GTSE1: variants seen among roughly 807,000 people sequenced by gnomAD.
GTSE1 encodes the protein G2 and S phase-expressed protein 1.
A neutral mutation model predicts 60.5 loss-of-function variants in GTSE1; 52 were observed. That is an observed-to-expected ratio of 0.86 (90% CI 0.69 to 1.08). The LOEUF is 1.08. Ranked by LOEUF, GTSE1 falls within the 50% of genes least tolerant of loss-of-function variation. The pLI is 0.00. For synonymous variants in GTSE1, 368 were observed against 386.5 expected (o/e 0.95, Z 0.56); for missense variants, 937 against 961.8 (o/e 0.97, Z 0.34).
chr22:46,328,627 A>C (rs1256308862), intron 9 of GTSE1, 61 bp from the exon 10 acceptor site: 1 of 1,336,414 alleles, frequency 7.5e-7, no homozygotes, highest in East Asian at 2.3e-5. Flanking sequence ...TGCTTCCCAC[A>C]TCAGCCAAGT....
intron 8 of GTSE1, among the ~76,000 whole-genome samples, chr22:46,325,781 C>T (rs2077840292): frequency 6.6e-6 from 1 of 152,236 alleles, no homozygotes; most frequent in Admixed American, 6.5e-5. Flanking sequence ...AATCTGGGGA[C>T]ACAGACATTC....
intron 8 of GTSE1, among the ~76,000 whole-genome samples, chr22:46,325,048 AT>A (rs1171690491): frequency 2.6e-5 from 4 of 152,136 alleles, no homozygotes; most frequent in Non-Finnish European, 5.9e-5. Context: ...AACAACAAAC[AT>A]TTGTTTCTCA....
Position 46,308,757 on chromosome 22 carries a change from C to T in GTSE1, c.576C>T (p.Ser192=), listed in dbSNP as rs1201357457. Residue 192 remains serine (S), a synonymous_variant, in exon 4 of 12, where the codon AGC becomes AGT. Transcript: ENST00000454366. ...RLLASSPALP[S]SGAQARLTRA... ...TGGCCTCCTCCCCGGCCCTGCCCAGCTCTGGTGCCCAGGCCCGCCTCACCC... is the reference window on the plus strand; with the variant it reads ...TGGCCTCCTCCCCGGCCCTGCCCAGTTCTGGTGCCCAGGCCCGCCTCACCC... 13 of 1,613,054 alleles carry T rather than the reference C, an allele frequency of 8.1e-6. No homozygotes were observed. The highest frequency in any genetic ancestry group is 8.0e-5 in the African/African-American group (6 of 74,952).
chr22:46,311,045 G>A (rs1201049176), intron 4 of GTSE1, among the ~76,000 whole-genome samples: 1 of 151,576 alleles, frequency 6.6e-6, no homozygotes. Flanking sequence ...GGGGAGAACC[G>A]CTAATGGGTA....
intron 2 of GTSE1, among the ~76,000 whole-genome samples, chr22:46,299,362 C>G (rs1055800647): frequency 6.6e-6 from 1 of 152,270 alleles, no homozygotes; most frequent in Non-Finnish European, 1.5e-5. Context: ...GCAGCCTCTC[C>G]TCCGAGCTCT....
intron 7 of GTSE1, among the ~76,000 whole-genome samples, chr22:46,322,908 G>A (rs1488919585): frequency 6.6e-6 from 1 of 152,224 alleles, no homozygotes; most frequent in African/African-American, 2.4e-5. Flanking sequence ...TACAGCCAGG[G>A]TGGGGCGGCG....
At chr22:46,322,766 G>T (rs961394663) in intron 7 of GTSE1, among the ~76,000 whole-genome samples, 4 of 152,208 alleles carry the variant, frequency 2.6e-5, no homozygotes, top group Non-Finnish European at 5.9e-5. Context: ...AGGGAATGTG[G>T]GCTCTGTTGC....
Position 46,314,150 on chromosome 22 carries a change from A to C in GTSE1, c.1051+137A>C. 9.4e-7 allele frequency: 1 copy of C among 1,069,224 alleles called. No homozygotes were observed. The allele number at this position is 1,069,224 out of a possible 1,614,324, so 66.2% of individuals were successfully genotyped here. The stretch of plus-strand genomic sequence containing the variant: ...CCGGAGGGCGTGCTGTGTGCGGTGG[A>C]CCAGGCTGTGGACTGAGTTGCTGTA... On this transcript the variant is annotated intron_variant, in intron 6 of 11. Coordinates refer to ENST00000454366, the MANE Select transcript of GTSE1 (RefSeq NM_016426.7). This position sits in a 1 kb window ranked among gnomAD's most constrained non-coding sequence, Gnocchi z 7.1.
rs778448799 is a variant in GTSE1, at chr22:46,310,949, C to G, written c.763-1192C>G. Reference sequence around the variant, plus strand: ...ACAAAAGGTCCCATGTCGTATGGTTCCATTTATATGAAATGACTATGACAG... The same window carrying G: ...ACAAAAGGTCCCATGTCGTATGGTTGCATTTATATGAAATGACTATGACAG... On this transcript the variant is annotated intron_variant, in intron 4 of 11. Coordinates refer to ENST00000454366, the MANE Select transcript of GTSE1 (RefSeq NM_016426.7). The surrounding 1 kb of genome is among the most constrained non-coding windows in gnomAD (Gnocchi z 4.4). 2.6e-5 allele frequency among the ~76,000 whole-genome samples: 4 copies of G among 152,058 alleles called. No homozygotes were observed. Among genetic ancestry groups the G allele is most frequent in the Non-Finnish European group, 4.4e-5 (3 of 68,010 alleles).
chr22:46,312,196 A>T lies in GTSE1; in HGVS notation c.818A>T (p.Glu273Val). 6.2e-7 allele frequency: 1 copy of T among 1,614,040 alleles called. No individual in the cohort carries two copies. The change falls in exon 5 of 12, where the codon GAA becomes GTA. Residue 273 changes from glutamate (E) to valine (V), a missense_variant. Glu to Val is a moderately radical substitution (Grantham distance 121). Transcript: ENST00000454366. Reference sequence around the variant, plus strand: ...AGGACAAAAATCCCAGCTGAGAAGGAATCCCACCGGGATGTTCTCCCTGAC... The same window carrying T: ...AGGACAAAAATCCCAGCTGAGAAGGTATCCCACCGGGATGTTCTCCCTGAC... ...PSRTKIPAEK[E>V]SHRDVLPDKP...
At chr22:46,307,345 A>T (rs1303921809) in intron 2 of GTSE1, among the ~76,000 whole-genome samples, 1 of 152,174 alleles carries the variant, frequency 6.6e-6, no homozygotes, top group Non-Finnish European at 1.5e-5. Context: ...ATTCTAGGGG[A>T]GCTGAGGAAG....
In GTSE1 at chr22:46,317,198, C is replaced by T. The variant is rs1170565107; in HGVS notation, c.1432+786C>T. On this transcript the variant is annotated intron_variant, in intron 7 of 11. Transcript: ENST00000454366. This position sits in a 1 kb window ranked among gnomAD's most constrained non-coding sequence, Gnocchi z 5.6. ...GCCAGGCTGGTCTGGAACTCCTGAC[C>T]TCAAGTGACCCACCCATCTCGGCCT... 6.6e-6 allele frequency among the ~76,000 whole-genome samples: 1 copy of T among 152,172 alleles called. No homozygotes were observed. The highest frequency in any genetic ancestry group is 1.5e-5 in the Non-Finnish European group (1 of 68,040).
chr22:46,307,963 A>AT lies in GTSE1; in HGVS notation c.80-181dup, dbSNP rs984608215. ...TTCGTCACTAGAAAAAATTTAAAAA[A>AT]TTTTTTAAAAAGGAAAAAATATAAC... is the stretch of plus-strand genomic sequence containing the variant. On this transcript the variant is annotated intron_variant, in intron 2 of 11. Coordinates refer to ENST00000454366, the MANE Select transcript of GTSE1 (RefSeq NM_016426.7). Among the ~76,000 whole-genome samples the AT allele has an allele frequency of 2.6e-5, 4 of 152,244 alleles. No homozygotes were observed. The East Asian group carries it at 7.7e-4, about 29-fold the overall frequency.
intron 2 of GTSE1, among the ~76,000 whole-genome samples, chr22:46,298,856 A>T (rs2077673181): frequency 6.6e-6 from 1 of 152,080 alleles, no homozygotes; most frequent in Admixed American, 6.5e-5. Flanking sequence ...GATCATGCGC[A>T]TCCACATACA....
In GTSE1 at chr22:46,326,654, G is replaced by C. The variant is rs1228938869; in HGVS notation, c.1724G>C (p.Arg575Thr). 6.3e-7 allele frequency: 1 copy of C among 1,592,704 alleles called. No homozygotes were observed. The highest frequency in any genetic ancestry group is 8.6e-7 in the Non-Finnish European group (1 of 1,165,572). Residue 575 changes from arginine (R) to threonine (T), a missense_variant and splice_region_variant, in exon 9 of 12, where the codon AGA (arginine) becomes ACA (threonine). Physicochemically the swap from Arg to Thr is moderately conservative, Grantham distance 71 (BLOSUM62 -1). Transcript: ENST00000454366. ...GAGCCCCGCAAGAACTCTGCAATGA[G>C]GTAAGACACGAAGGTGGTAATAAAT... ...SSEPRKNSAM[R>T]TEPTRESNRK...
Position 46,316,024 on chromosome 22 carries a change from C to CT in GTSE1, c.1052-8_1052-7insT. On this transcript the variant is annotated splice_region_variant and splice_polypyrimidine_tract_variant and intron_variant, in intron 6 of 11. Transcript: ENST00000454366. The surrounding 1 kb of genome is among the most constrained non-coding windows in gnomAD (Gnocchi z 5.0). Reference sequence around the variant, plus strand: ...TAATAATGTGATTTTTGTGTGTATACCTTCTAGCTAAATCAAGTGAATTTG... The same window carrying CT: ...TAATAATGTGATTTTTGTGTGTATACTCTTCTAGCTAAATCAAGTGAATTTG... The CT allele has an allele frequency of 6.9e-7, 1 of 1,449,530 alleles. No individual in the cohort carries two copies. The highest frequency in any genetic ancestry group is 9.0e-7 in the Non-Finnish European group (1 of 1,106,834). The allele number at this position is 1,449,530 out of a possible 1,614,324, so 89.8% of individuals were successfully genotyped here.
rs1034221398 is a variant in GTSE1 at position 46,297,794 on chromosome 22, C to T, written c.79+315C>T. ...TTTCTTTTTTGTTTGTCGCTGGTTT[C>T]TGTTTGCTAAGACTTATTTAGGATC... On this transcript the variant is annotated intron_variant, in intron 2 of 11. Coordinates refer to ENST00000454366, the MANE Select transcript of GTSE1 (RefSeq NM_016426.7). This position sits in a 1 kb window ranked among gnomAD's most constrained non-coding sequence, Gnocchi z 4.9. Among the ~76,000 whole-genome samples the T allele has an allele frequency of 4.6e-5, 7 of 152,030 alleles. No individual in the cohort carries two copies. The highest frequency in any genetic ancestry group is 1.0e-4 in the Non-Finnish European group (7 of 67,990).
chr22:46,313,166 TA>T lies in GTSE1; in HGVS notation c.928-704del, dbSNP rs778559566. On this transcript the variant is annotated intron_variant, in intron 5 of 11. Coordinates refer to ENST00000454366, the MANE Select transcript of GTSE1 (RefSeq NM_016426.7). This position sits in a 1 kb window ranked among gnomAD's most constrained non-coding sequence, Gnocchi z 4.4. ...CTGGGCAACAGAGTGAGACCCTGTC[TA>T]AAAAAAAAAAAAAAAAAAAGGAAAA... 0.054 allele frequency among the ~76,000 whole-genome samples: 4,472 copies of T among 82,216 alleles called. 168 individuals carry two copies. The highest frequency in any genetic ancestry group is 0.15 in the African/African-American group (3,512 of 23,108). 53.9% of individuals were successfully genotyped at this position (82,216 alleles called of 152,430 possible).
At chr22:46,301,403 A>G (rs2077688254) in intron 2 of GTSE1, among the ~76,000 whole-genome samples, 1 of 151,968 alleles carries the variant, frequency 6.6e-6, no homozygotes, top group African/African-American at 2.4e-5. Context: ...TTTCCCCACA[A>G]CCTTGCCTAT....
Sources: allele counts gnomAD v4.1 joint callset (sites outside exome capture counted in the v4.1 genomes callset), GRCh38; gene constraint gnomAD v4.1.1; non-coding constraint Gnocchi (gnomAD v3.1); transcripts MANE v1.5; gene names NCBI Gene and HGNC (gene_info 2026-07-23, HGNC 2026-07-21).